ZMYM1: variants seen among roughly 807,000 people sequenced by gnomAD.
The protein encoded by ZMYM1 is zinc finger MYM-type containing 1, also known as zinc finger MYM-type protein 1.
ZMYM1 carries 39 observed loss-of-function variants against 60.0 expected under a neutral mutation model. That is an observed-to-expected ratio of 0.65 (90% CI 0.50 to 0.85). The LOEUF (loss-of-function observed/expected upper bound fraction) is 0.85. ZMYM1 is among the 40% of genes least tolerant of loss of function. ZMYM1 has a pLI of 0.00. For missense variants in ZMYM1, 1,171 were observed against 1,309.5 expected (o/e 0.89, Z 1.63); for synonymous variants, 413 against 454.0 (o/e 0.91, Z 1.15).
intron 1 of ZMYM1, among the ~76,000 whole-genome samples, chr1:35,067,467 T>C (rs1018396287): frequency 6.6e-6 from 1 of 151,778 alleles, no homozygotes; most frequent in Non-Finnish European, 1.5e-5. Context: ...TTTTTTTTAA[T>C]TTTGTAGAGG....
chr1:35,073,933 G>A (rs1233370109), intron 1 of ZMYM1, among the ~76,000 whole-genome samples: 4 of 152,106 alleles, frequency 2.6e-5, no homozygotes, highest in African/African-American at 9.6e-5. Context: ...ACAAGTGTGC[G>A]CTATCATGCC....
intron 1 of ZMYM1, among the ~76,000 whole-genome samples, chr1:35,071,034 G>A (rs369702632): frequency 4.6e-5 from 7 of 151,948 alleles, no homozygotes; most frequent in East Asian, 1.9e-4. Context: ...ACAGGTGTGC[G>A]CCACCACACC....
intron 6 of ZMYM1, among the ~76,000 whole-genome samples, chr1:35,108,597 C>T (rs1469970092): frequency 1.3e-5 from 2 of 152,120 alleles, no homozygotes; most frequent in African/African-American, 4.8e-5. Flanking sequence ...AGATGATCTG[C>T]CCGCCTCGGC....
At chr1:35,078,339 A>G (rs1642205342), upstream of ZMYM1, among the ~76,000 whole-genome samples, 1 of 152,054 alleles carries the variant, frequency 6.6e-6, no homozygotes, top group South Asian at 2.1e-4. Flanking sequence ...ATTTTTGAGA[A>G]TATCTCCTTT....
chr1:35,115,340 G>T lies in ZMYM1; in HGVS notation c.*81G>T. On this transcript the variant is annotated 3_prime_UTR_variant, in exon 10 of 10. Transcript: ENST00000359858. ...TTTCAAAATTGTTCAAAATTCAAAA[G>T]ACACAGAACGATAAACAGTGAAGTC... The T allele has an allele frequency of 7.0e-7, 1 of 1,428,052 alleles. No homozygotes were observed. Among genetic ancestry groups the T allele is most frequent in the Non-Finnish European group, 9.3e-7 (1 of 1,080,468 alleles). The allele number at this position is 1,428,052 out of a possible 1,614,324, so 88.5% of individuals were successfully genotyped here.
At chr1:35,116,835 A>ATTTTTTTTT (rs10671957), downstream of ZMYM1, among the ~76,000 whole-genome samples, 4 of 88,966 alleles carry the variant, frequency 4.5e-5, no homozygotes, top group African/African-American at 9.1e-5. Flanking sequence ...TAGGCCTGGA[A>ATTTTTTTTT]TTTTTTTTTT....
At chr1:35,069,763 A>G (rs1420781065) in intron 1 of ZMYM1, among the ~76,000 whole-genome samples, 1 of 152,152 alleles carries the variant, frequency 6.6e-6, no homozygotes, top group Non-Finnish European at 1.5e-5. Context: ...TGAATTTTGT[A>G]TATGGTGAGA....
rs955032072 is a variant in ZMYM1 at position 35,093,979 on chromosome 1, G to A, written c.-9G>A. ...GGAACTGGAGAATTCCTTTGCATCA[G>A]ATACTAAAATGAAAGAACCACTTTT... On this transcript the variant is annotated 5_prime_UTR_variant, in exon 2 of 10. Transcript: ENST00000359858. The A allele has an allele frequency of 6.3e-7, 1 of 1,588,060 alleles. No individual in the cohort carries two copies. Among genetic ancestry groups the A allele is most frequent in the East Asian group, 2.3e-5 (1 of 43,678 alleles).
intron 9 of ZMYM1, among the ~76,000 whole-genome samples, chr1:35,112,708 T>C (rs958667003): frequency 6.6e-6 from 1 of 150,626 alleles, no homozygotes; most frequent in Non-Finnish European, 1.5e-5. Context: ...CTCTGGGTTC[T>C]TCTTTTAAAA....
chr1:35,081,306 CTG>C (rs150606054), intron 1 of ZMYM1, among the ~76,000 whole-genome samples: 1,967 of 152,150 alleles, frequency 0.013, 29 homozygotes, highest in African/African-American at 0.03. Flanking sequence ...CTTCCAGACT[CTG>C]TTTTGTTTTT....
chr1:35,078,306 C>T (rs1557632520), upstream of ZMYM1, among the ~76,000 whole-genome samples: 1 of 152,194 alleles, frequency 6.6e-6, no homozygotes, highest in South Asian at 2.1e-4. Flanking sequence ...TGGACCTCAC[C>T]TTCACAAGGG....
chr1:35,107,347 T>G (rs1643926387), intron 6 of ZMYM1, among the ~76,000 whole-genome samples: 1 of 150,604 alleles, frequency 6.6e-6, no homozygotes. Context: ...CGGGCGCCTG[T>G]AGTCCCAGCT....
At chr1:35,107,342 G>A (rs1486761644) in intron 6 of ZMYM1, among the ~76,000 whole-genome samples, 5 of 151,206 alleles carry the variant, frequency 3.3e-5, no homozygotes, top group Admixed American at 6.6e-5. Flanking sequence ...GGTGGCGGGC[G>A]CCTGTAGTCC....
At chr1:35,085,836 C>G (rs1052004174) in intron 1 of ZMYM1, among the ~76,000 whole-genome samples, 2 of 152,166 alleles carry the variant, frequency 1.3e-5, no homozygotes, top group Non-Finnish European at 2.9e-5. Context: ...TTCACACTGG[C>G]CCCTAGCATT....
At chr1:35,089,906 CTT>C (rs750848210) in intron 1 of ZMYM1, among the ~76,000 whole-genome samples, 14 of 126,638 alleles carry the variant, frequency 1.1e-4, no homozygotes, top group Non-Finnish European at 5.1e-5. Context: ...ATATAAGGCT[CTT>C]TTTTTTTTTT....
At chr1:35,061,569 G>A (rs1192947978) in intron 1 of ZMYM1, among the ~76,000 whole-genome samples, 1 of 151,906 alleles carries the variant, frequency 6.6e-6, no homozygotes, top group African/African-American at 2.4e-5. Flanking sequence ...AAGGTCAGGA[G>A]ATCAAGACCA....
chr1:35,085,075 T>G (rs938387123), intron 1 of ZMYM1, among the ~76,000 whole-genome samples: 1 of 151,728 alleles, frequency 6.6e-6, no homozygotes, highest in Non-Finnish European at 1.5e-5. Context: ...GGAGACAGAG[T>G]CTCGCTCTGT....
intron 1 of ZMYM1, among the ~76,000 whole-genome samples, chr1:35,073,723 T>A: frequency 6.6e-6 from 1 of 151,088 alleles, no homozygotes; most frequent in East Asian, 1.9e-4. Context: ...GGAAGGAAAA[T>A]CATTTCTCTT....
chr1:35,106,449 G>T (rs1024018322), intron 6 of ZMYM1, among the ~76,000 whole-genome samples: 1 of 151,804 alleles, frequency 6.6e-6, no homozygotes, highest in African/African-American at 2.4e-5. Flanking sequence ...CCTCTACTAA[G>T]AATACCAAAA....
Sources: gnomAD v4.1 joint callset for allele counts (sites outside exome capture counted in the v4.1 genomes callset) on GRCh38, gnomAD v4.1.1 for gene constraint, MANE v1.5 for transcripts, NCBI Gene and HGNC (gene_info 2026-07-23, HGNC 2026-07-21) for gene names.